Variants in ANKFY1 observed in about 807,000 individuals in gnomAD.
ANKFY1 encodes the protein ankyrin repeat and FYVE domain containing 1, also known as ankyrin repeat and FYVE domain-containing protein 1.
A neutral mutation model predicts 128.3 loss-of-function variants in ANKFY1; 47 were observed. That is an observed-to-expected ratio of 0.37 (90% confidence interval 0.29 to 0.47). ANKFY1 has a LOEUF of 0.47. ANKFY1 is among the 20% of genes least tolerant of loss of function. The pLI, the probability that ANKFY1 is intolerant of heterozygous loss-of-function variation, is 1.00. For synonymous variants in ANKFY1, 553 were observed against 601.6 expected, an observed-to-expected ratio of 0.92 and a Z score of 1.18; for missense variants, 1,222 against 1,510.6, an observed-to-expected ratio of 0.81 and a Z score of 3.17.
At chr17:4,245,215 C>G (rs1461239230) in intron 1 of ANKFY1, among the ~76,000 whole-genome samples, 1 of 152,110 alleles carries the variant, frequency 6.6e-6, no homozygotes, top group African/African-American at 2.4e-5. Context: ...GAAATAGGGT[C>G]TCTGTCACTC....
chr17:4,204,776 C>G (rs1002500191), intron 7 of ANKFY1, among the ~76,000 whole-genome samples: 92 of 152,044 alleles, frequency 6.1e-4, no homozygotes, highest in African/African-American at 2.2e-3. Context: ...GGGAAAGAAT[C>G]ATTCCCTACG....
intron 3 of ANKFY1, chr17:4,222,318 T>G: frequency 2.7e-6 from 2 of 728,532 alleles, no homozygotes; most frequent in Non-Finnish European, 5.1e-6. Flanking sequence ...TCGGTCTTGA[T>G]GCAGAACTTT....
chr17:4,209,779 G>T, intron 5 of ANKFY1, 45 bp downstream of exon 5: 1 of 1,565,764 alleles, frequency 6.4e-7, no homozygotes, highest in South Asian at 1.1e-5. Flanking sequence ...GCGGTCTCCT[G>T]ACTGCCAGCT....
chr17:4,199,390 C>T (rs1438787443), intron 7 of ANKFY1, among the ~76,000 whole-genome samples: 1 of 152,144 alleles, frequency 6.6e-6, no homozygotes, highest in Non-Finnish European at 1.5e-5. Context: ...TGGGGTTTCA[C>T]CATGTTGCCC....
chr17:4,215,592 G>T (rs1460200079), intron 4 of ANKFY1, among the ~76,000 whole-genome samples: 1 of 152,122 alleles, frequency 6.6e-6, no homozygotes, highest in East Asian at 1.9e-4. Flanking sequence ...TTCCACTCCA[G>T]CTCTTAAGAA....
intron 1 of ANKFY1, among the ~76,000 whole-genome samples, chr17:4,259,373 C>T (rs183978225): frequency 3.3e-5 from 5 of 152,266 alleles, no homozygotes; most frequent in South Asian, 2.1e-4. Context: ...CTCCACCTTC[C>T]GGGTTCAAGT....
Position 4,197,551 on chromosome 17 carries a change from T to C in ANKFY1, c.925A>G (p.Ile309Val), listed in dbSNP as rs2059848236. 6.2e-7 allele frequency: 1 copy of C among 1,614,146 alleles called. No homozygotes were observed. Among genetic ancestry groups the C allele is most frequent in the Non-Finnish European group, 8.5e-7 (1 of 1,180,028 alleles). ...RGDLFAATFL[I>V]KNGAFVNAAT... ...GCGTTGACAAAGGCCCCATTCTTAA[T>C]GAGGAAAGTGGCAGCAAAGAGATCT... The change falls in exon 8 of 25, where the codon ATT becomes GTT. Residue 309 changes from isoleucine (I) to valine (V), a missense_variant. By Grantham distance (29) the Ile-to-Val change is conservative (BLOSUM62 3). Transcript: ENST00000341657.
At chr17:4,179,594 G>T in intron 17 of ANKFY1, 127 bp downstream of exon 17, 1 of 1,216,624 alleles carries the variant, frequency 8.2e-7, no homozygotes, top group Non-Finnish European at 1.1e-6. Flanking sequence ...AACGCTGCTA[G>T]GGAGGTCGTG....
chr17:4,234,035 A>G (rs1489982137), intron 3 of ANKFY1, among the ~76,000 whole-genome samples: 1 of 152,242 alleles, frequency 6.6e-6, no homozygotes, highest in African/African-American at 2.4e-5. Flanking sequence ...TTAGATATAC[A>G]GATACTTACC....
At chr17:4,237,315 G>A (rs1028549053) in intron 2 of ANKFY1, among the ~76,000 whole-genome samples, 2 of 152,190 alleles carry the variant, frequency 1.3e-5, no homozygotes, top group African/African-American at 4.8e-5. Flanking sequence ...AAGATTAAGA[G>A]AGTATTTATT....
chr17:4,246,928 A>G (rs1013692771), intron 1 of ANKFY1, among the ~76,000 whole-genome samples: 1 of 152,098 alleles, frequency 6.6e-6, no homozygotes, highest in Non-Finnish European at 1.5e-5. Flanking sequence ...CCTGGGCAAC[A>G]TGGTGAAACC....
intron 3 of ANKFY1, among the ~76,000 whole-genome samples, chr17:4,227,003 CT>C (rs2060437673): frequency 6.6e-6 from 1 of 152,086 alleles, no homozygotes; most frequent in Non-Finnish European, 1.5e-5. Flanking sequence ...AAAAACAAAA[CT>C]TCCCAAACCT....
Position 4,197,721 on chromosome 17 carries a change from G to A in ANKFY1, c.899-144C>T. ...GGAACCTCTTGGGGCATCTGTAAGTGGAAACTCATTGAGATCATGGAGTTA... is the reference window on the plus strand; with the variant it reads ...GGAACCTCTTGGGGCATCTGTAAGTAGAAACTCATTGAGATCATGGAGTTA... On this transcript the variant is annotated intron_variant, in intron 7 of 24. Transcript: ENST00000341657. The A allele has an allele frequency of 6.6e-6, 5 of 754,562 alleles. No individual in the cohort carries two copies. In the Admixed American group the frequency reaches 7.4e-5, roughly 11 times the overall value. The allele number at this position is 754,562 out of a possible 1,614,324, so 46.7% of individuals were successfully genotyped here.
chr17:4,236,151 G>C (rs1377784912), intron 2 of ANKFY1, among the ~76,000 whole-genome samples: 1 of 152,160 alleles, frequency 6.6e-6, no homozygotes, highest in Non-Finnish European at 1.5e-5. Flanking sequence ...CTTCTCATGG[G>C]ATTCTTACGG....
chr17:4,228,913 T>C (rs576514296), intron 3 of ANKFY1, among the ~76,000 whole-genome samples: 95 of 152,236 alleles, frequency 6.2e-4, no homozygotes, highest in African/African-American at 2.2e-3. Flanking sequence ...CCAAACTACC[T>C]AGGGTTCAAA....
At chr17:4,238,374 C>T (rs1967021124) in intron 2 of ANKFY1, among the ~76,000 whole-genome samples, 1 of 152,104 alleles carries the variant, frequency 6.6e-6, no homozygotes, top group African/African-American at 2.4e-5. Context: ...TCAGTTACCA[C>T]ATCTCGACAG....
chr17:4,260,688 G>C (rs1968370384), intron 1 of ANKFY1, among the ~76,000 whole-genome samples: 1 of 149,194 alleles, frequency 6.7e-6, no homozygotes, highest in South Asian at 2.1e-4. Context: ...CAGAGATGTA[G>C]AGTTGGGGAA....
intron 1 of ANKFY1, among the ~76,000 whole-genome samples, chr17:4,256,302 C>T (rs1056081704): frequency 6.6e-6 from 1 of 151,952 alleles, no homozygotes; most frequent in South Asian, 2.1e-4. Context: ...GTGGCGGGCG[C>T]CTGTAGTCCC....
intron 17 of ANKFY1, 133 bp downstream of exon 17, chr17:4,179,588 C>T (rs1030809548): frequency 2.5e-5 from 30 of 1,186,062 alleles, no homozygotes; most frequent in Non-Finnish European, 3.4e-5. Flanking sequence ...ATCATGAACG[C>T]TGCTAGGGAG....
Sources: allele counts gnomAD v4.1 joint callset (sites outside exome capture counted in the v4.1 genomes callset), GRCh38; gene constraint gnomAD v4.1.1; transcripts MANE v1.5; gene names NCBI Gene and HGNC (gene_info 2026-07-23, HGNC 2026-07-21).